ANKRD17: variants seen among roughly 807,000 people sequenced by gnomAD.
ANKRD17 encodes the protein ankyrin repeat domain-containing protein 17.
A neutral mutation model predicts 229.7 loss-of-function variants in ANKRD17; 19 were observed. The ratio of observed to expected loss-of-function variants is 0.08; its 90% CI spans 0.06 to 0.12. The LOEUF (loss-of-function observed/expected upper bound fraction) is 0.12, where lower values mean the gene tolerates loss of function less well. Among genes scored for constraint, ANKRD17 ranks in the 10% least tolerant of loss-of-function variants. ANKRD17 has a pLI of 1.00. For synonymous variants in ANKRD17, 1,112 were observed against 1,146.1 expected, an observed-to-expected ratio of 0.97 and a Z score of 0.60; for missense variants, 2,176 against 3,176.8, an observed-to-expected ratio of 0.68 and a Z score of 7.57.
Position 73,258,337 on chromosome 4 carries a change from G to A in ANKRD17, c.332C>T (p.Thr111Ile), listed in dbSNP as rs144971270. Residue 111 changes from threonine (T) to isoleucine (I), a missense_variant, in exon 1 of 34, where the codon ACC (threonine) becomes ATC (isoleucine). Physicochemically the swap from Thr to Ile is moderately conservative, Grantham distance 89. Around this residue, in one of 18 missense-constraint regions of ANKRD17, gnomAD observed 196 missense variants for 190.0 expected, o/e 1.03. Coordinates refer to ENST00000358602, the MANE Select transcript of ANKRD17 (RefSeq NM_032217.5). ...GGGGGGGGGG[T>I]SSNNSEEEED... ...TTCTTCCTCGCTGTTGTTACTGCTG[G>A]TGCCGCCGCCGCCACCTCCGCCTCC... The A allele has an allele frequency of 2.2e-4, 351 of 1,613,008 alleles. No individual in the cohort carries two copies. The African/African-American group carries it at 4.1e-3, about 19-fold the overall frequency.
intron 1 of ANKRD17, among the ~76,000 whole-genome samples, chr4:73,213,054 T>C (rs891563693): frequency 6.9e-6 from 1 of 145,124 alleles, no homozygotes; most frequent in Non-Finnish European, 1.5e-5. Context: ...AAAAGAAATA[T>C]AAGAATTTAG....
At position 73,222,720 on chromosome 4, in the gene ANKRD17, C is replaced by A. The variant is rs112935824; in HGVS notation, c.393+35556G>T. Among the ~76,000 whole-genome samples, 370 of 152,268 alleles carry A rather than the reference C, an allele frequency of 2.4e-3. 2 individuals carry two copies. Among genetic ancestry groups the A allele is most frequent in the South Asian group, 0.016 (77 of 4,816 alleles). ...GGCTTTTTATTAAGCCTGAGTCTCC[C>A]CTTTTTCCCTAACAAACATATATCT... On this transcript the variant is annotated intron_variant, in intron 1 of 33. Coordinates refer to ENST00000358602, the MANE Select transcript of ANKRD17 (RefSeq NM_032217.5).
chr4:73,143,627 A>G (rs1729879899), intron 11 of ANKRD17, among the ~76,000 whole-genome samples: 1 of 152,224 alleles, frequency 6.6e-6, no homozygotes, highest in Admixed American at 6.5e-5. Context: ...TTTCGCCAGT[A>G]AGTTATTTCA....
chr4:73,171,756 G>GA (rs34776155), intron 2 of ANKRD17, among the ~76,000 whole-genome samples: 2 of 152,142 alleles, frequency 1.3e-5, no homozygotes, highest in Non-Finnish European at 2.9e-5. Flanking sequence ...TATTGGAGCT[G>GA]AAAAATGCAA....
chr4:73,258,749 A>T lies in ANKRD17; in HGVS notation c.-81T>A. The T allele has an allele frequency of 3.7e-6, 5 of 1,336,590 alleles. No individual in the cohort carries two copies. Among genetic ancestry groups the T allele is most frequent in the Non-Finnish European group, 4.8e-6 (5 of 1,052,382 alleles). 82.8% of individuals were successfully genotyped at this position (1,336,590 alleles called of 1,614,324 possible). A position where few individuals can be genotyped will look rare whatever the true frequency, so the allele number is the denominator to read the frequency against. ...CGCGACTTCGGCCGCACTGGGGCCG[A>T]CACAGCAATCGGTGCCGCCTCCGCC... is the stretch of plus-strand genomic sequence containing the variant. On this transcript the variant is annotated 5_prime_UTR_variant, in exon 1 of 34. Coordinates refer to ENST00000358602, the MANE Select transcript of ANKRD17 (RefSeq NM_032217.5).
Position 73,161,194 on chromosome 4 carries a change from G to C in ANKRD17, c.702C>G (p.Asp234Glu), listed in dbSNP as rs776424462. 6.2e-7 allele frequency: 1 copy of C among 1,612,094 alleles called. No individual in the cohort carries two copies. Among genetic ancestry groups the C allele is most frequent in the Non-Finnish European group, 8.5e-7 (1 of 1,179,458 alleles). Reference sequence around the variant, plus strand: ...GATGGCAGCAAAAATGTACTTACTTGTCCGACTGCCCTGCATTTGCTGTGC... The same window carrying C: ...GATGGCAGCAAAAATGTACTTACTTCTCCGACTGCCCTGCATTTGCTGTGC... ...AESTANAGQS[D>E]NRSLAEACSE... Residue 234 changes from aspartate to glutamate, a missense_variant and splice_region_variant, in exon 3 of 34, where the codon GAC becomes GAG. Physicochemically the swap from Asp to Glu is conservative, Grantham distance 45 (BLOSUM62 2). Transcript: ENST00000358602.
At chr4:73,168,768 G>A (rs1316012733) in intron 2 of ANKRD17, among the ~76,000 whole-genome samples, 6 of 152,174 alleles carry the variant, frequency 3.9e-5, no homozygotes, top group Non-Finnish European at 5.9e-5. Context: ...TTAAATGTAC[G>A]TTTTTTGTGT....
intron 25 of ANKRD17, chr4:73,098,908 C>T: frequency 9.1e-7 from 1 of 1,104,532 alleles, no homozygotes; most frequent in South Asian, 1.2e-5. Flanking sequence ...GGGGCAGGCC[C>T]CGCAAGCAGC....
In ANKRD17 at chr4:73,121,767, T is replaced by C. The variant is rs1308126606; in HGVS notation, c.3493-8A>G. 1 of 1,571,452 alleles carries C rather than the reference T, an allele frequency of 6.4e-7. No individual in the cohort carries two copies. The highest frequency in any genetic ancestry group is 1.4e-5 in the African/African-American group (1 of 72,254). ...TAACAATAGCTCCACCACCTGAAAATAAAATAGAAAAAAATATGTTTTCTT... is the reference window on the plus strand; with the variant it reads ...TAACAATAGCTCCACCACCTGAAAACAAAATAGAAAAAAATATGTTTTCTT... On this transcript the variant is annotated splice_region_variant and splice_polypyrimidine_tract_variant and intron_variant, in intron 18 of 33. Coordinates refer to ENST00000358602, the MANE Select transcript of ANKRD17 (RefSeq NM_032217.5).
chr4:73,099,416 C>A (rs1211722378), intron 25 of ANKRD17, among the ~76,000 whole-genome samples: 1 of 152,172 alleles, frequency 6.6e-6, no homozygotes, highest in African/African-American at 2.4e-5. Context: ...ACGTACCCTC[C>A]TGGACAATGC....
intron 1 of ANKRD17, among the ~76,000 whole-genome samples, chr4:73,217,355 T>C (rs963814792): frequency 2.0e-5 from 3 of 152,168 alleles, no homozygotes; most frequent in African/African-American, 7.2e-5. Context: ...ACTTCCCCAT[T>C]AATTCTCCCA....
chr4:73,154,183 A>C, intron 5 of ANKRD17, 70 bp from the exon 6 acceptor site: 1 of 1,050,094 alleles, frequency 9.5e-7, no homozygotes. Context: ...GCTAATTTAC[A>C]TTAAGAAAAT....
intron 2 of ANKRD17, among the ~76,000 whole-genome samples, chr4:73,167,925 G>A (rs923905406): frequency 1.3e-5 from 2 of 151,904 alleles, no homozygotes; most frequent in African/African-American, 2.4e-5. Context: ...GGCTGAGGTG[G>A]GTGGATCACG....
chr4:73,141,891 T>G (rs1378883401), intron 13 of ANKRD17, 48 bp from the exon 14 acceptor site: 2 of 1,373,088 alleles, frequency 1.5e-6, no homozygotes, highest in Admixed American at 1.9e-5. Context: ...CACAATCCAT[T>G]AAGTAATATG....
At chr4:73,157,319 G>A (rs1435156939) in intron 3 of ANKRD17, among the ~76,000 whole-genome samples, 1 of 152,064 alleles carries the variant, frequency 6.6e-6, no homozygotes, top group Non-Finnish European at 1.5e-5. Flanking sequence ...GGTTTTGAAA[G>A]TATTTACTTA....
At chr4:73,225,548 A>G (rs1243656487) in intron 1 of ANKRD17, among the ~76,000 whole-genome samples, 1 of 152,102 alleles carries the variant, frequency 6.6e-6, no homozygotes, top group Non-Finnish European at 1.5e-5. Context: ...AGCAGGCAAC[A>G]CTGTTGAAAG....
intron 1 of ANKRD17, 44 bp from the exon 2 acceptor site, chr4:73,177,577 A>G (rs760189945): frequency 6.8e-7 from 1 of 1,479,054 alleles, no homozygotes; most frequent in Non-Finnish European, 9.3e-7. Flanking sequence ...AGAAATGAAC[A>G]GCGAAAGGAA....
chr4:73,206,949 G>C lies in ANKRD17; in HGVS notation c.394-29416C>G, dbSNP rs900930951. Among the ~76,000 whole-genome samples, 87 of 151,872 alleles carry C rather than the reference G, an allele frequency of 5.7e-4. 3 individuals carry two copies. The highest frequency in any genetic ancestry group is 5.9e-5 in the Non-Finnish European group (4 of 67,982). On this transcript the variant is annotated intron_variant, in intron 1 of 33. Transcript: ENST00000358602. ...AGTGATTCTCCAGCCTCAGCCTCCC[G>C]AATAGCTGGGATTACAGGAGCCTGC...
rs1722837998 is a variant in ANKRD17 at position 73,091,968 on chromosome 4, G to T, written c.5660C>A (p.Pro1887His). Reference sequence around the variant, plus strand: ...AAGCAAAGCATGTGCAAACTGTGGAGGAGGATATGCTAATGGAAGAGAAAC... The same window carrying T: ...AAGCAAAGCATGTGCAAACTGTGGATGAGGATATGCTAATGGAAGAGAAAC... ...FPVSLPLAYP[P>H]PQFAHALLAA... Residue 1887 changes from proline to histidine, a missense_variant, in exon 29 of 34, where the codon CCT (proline) becomes CAT (histidine). Physicochemically the swap from Pro to His is moderately conservative, Grantham distance 77 (BLOSUM62 -2). Around this residue, in one of 18 missense-constraint regions of ANKRD17, gnomAD observed 142 missense variants for 200.4 expected, o/e 0.71. Coordinates refer to ENST00000358602, the MANE Select transcript of ANKRD17 (RefSeq NM_032217.5). 4 of 1,614,078 alleles carry T rather than the reference G, an allele frequency of 2.5e-6. No homozygotes were observed. Among genetic ancestry groups the T allele is most frequent in the Non-Finnish European group, 3.4e-6 (4 of 1,180,052 alleles).
Sources: gnomAD v4.1 joint callset for allele counts (sites outside exome capture counted in the v4.1 genomes callset) on GRCh38, gnomAD v4.1.1 for gene constraint, gnomAD v4.1.1 regional missense constraint, MANE v1.5 for transcripts, NCBI Gene and HGNC (gene_info 2026-07-23, HGNC 2026-07-21) for gene names.